SRP19: variants seen among roughly 807,000 people sequenced by gnomAD.
SRP19 encodes the protein signal recognition particle 19.
Under a neutral mutation model 22.4 loss-of-function variants are expected in SRP19, and 11 were observed. That is an observed-to-expected ratio of 0.49 (90% CI 0.31 to 0.81). SRP19 has a LOEUF of 0.81. SRP19 is among the 40% of genes least tolerant of loss of function. The pLI is 0.05. For missense variants in SRP19, 168 were observed against 175.9 expected (o/e 0.96, Z 0.25); for synonymous variants, 61 against 57.6 (o/e 1.06, Z -0.27).
rs753250062 is a variant in SRP19, at chr5:112,891,689, A to C, written c.*82A>C. 1.7e-5 allele frequency: 28 copies of C among 1,613,916 alleles called. No homozygotes were observed. The Admixed American group carries it at 4.7e-4, about 27-fold the overall frequency. ...TTTCCCAAGAAGATGACATTTCCAG[A>C]GAAACCAAGCCACAAAAAGTACAGG... is the stretch of plus-strand genomic sequence containing the variant. On this transcript the variant is annotated 3_prime_UTR_variant, in exon 5 of 5. Transcript: ENST00000391338.
chr5:112,898,074 A>G (rs988773898), downstream of SRP19: 2 of 152,306 alleles, frequency 1.3e-5, no homozygotes, highest in South Asian at 4.1e-4. Context: ...ACAAAAAACA[A>G]AACAAACCCA....
At chr5:112,863,782 A>G (rs1372260724) in intron 2 of SRP19, among the ~76,000 whole-genome samples, 1 of 152,100 alleles carries the variant, frequency 6.6e-6, no homozygotes. Flanking sequence ...CTCCAACCTC[A>G]GCCTTCTGAG....
intron 2 of SRP19, among the ~76,000 whole-genome samples, chr5:112,863,720 G>A (rs1408183921): frequency 1.3e-5 from 2 of 151,964 alleles, no homozygotes; most frequent in Non-Finnish European, 2.9e-5. Flanking sequence ...GCTGGAGTGC[G>A]GCAGTGTAGT....
downstream of SRP19, among the ~76,000 whole-genome samples, chr5:112,870,184 A>G (rs1411084244): frequency 6.6e-6 from 1 of 152,150 alleles, no homozygotes; most frequent in African/African-American, 2.4e-5. Context: ...TAAGGAAGAA[A>G]GTAGTTGAGA....
At chr5:112,877,816 AAAG>A (rs1271701041) in intron 4 of SRP19, 2 of 152,228 alleles carry the variant, frequency 1.3e-5, no homozygotes, top group Admixed American at 6.5e-5. Flanking sequence ...CTGGTTTAAA[AAAG>A]AAGATTGGGA....
Position 112,867,724 on chromosome 5 carries a change from G to C in SRP19, c.*187G>C. 1 of 1,306,732 alleles carries C rather than the reference G, an allele frequency of 7.7e-7. No homozygotes were observed. The highest frequency in any genetic ancestry group is 9.7e-7 in the Non-Finnish European group (1 of 1,027,044). 80.9% of individuals were successfully genotyped at this position (1,306,732 alleles called of 1,614,324 possible). A position where few individuals can be genotyped will look rare whatever the true frequency, so the allele number is the denominator to read the frequency against. ...TTTACATCAGAAGTTTGCATCTCGC[G>C]TATATGCCGTATAAAAGAATTTTTT... On this transcript the variant is annotated 3_prime_UTR_variant, in exon 5 of 5. Transcript: ENST00000505459.
chr5:112,888,520 T>G (rs1768331549), intron 4 of SRP19, among the ~76,000 whole-genome samples: 1 of 152,184 alleles, frequency 6.6e-6, no homozygotes, highest in Admixed American at 6.5e-5. Context: ...ACTCCTGGGT[T>G]CAAACAATCT....
At chr5:112,865,598 T>A (rs1043187811) in intron 4 of SRP19, among the ~76,000 whole-genome samples, 5 of 151,304 alleles carry the variant, frequency 3.3e-5, no homozygotes, top group African/African-American at 1.2e-4. Context: ...AACTGACAGC[T>A]TGTTTGATTT....
chr5:112,894,639 C>CT (rs1458294584), downstream of SRP19: 2 of 152,190 alleles, frequency 1.3e-5, no homozygotes, highest in African/African-American at 4.8e-5. Flanking sequence ...GCAATTGTTA[C>CT]TTACTATATT....
At chr5:112,875,375 T>G (rs1468389425) in intron 4 of SRP19, among the ~76,000 whole-genome samples, 2 of 149,894 alleles carry the variant, frequency 1.3e-5, no homozygotes, top group Non-Finnish European at 3.0e-5. Context: ...GTTTTTGGTT[T>G]TTTTTTTTTT....
At chr5:112,874,795 A>G (rs1371565383) in intron 4 of SRP19, among the ~76,000 whole-genome samples, 1 of 111,622 alleles carries the variant, frequency 9.0e-6, no homozygotes, top group Admixed American at 9.9e-5. Context: ...TTTTTTTTTG[A>G]GACGGAGTTT....
At chr5:112,880,927 G>A (rs1381026803) in intron 4 of SRP19, among the ~76,000 whole-genome samples, 1 of 152,120 alleles carries the variant, frequency 6.6e-6, no homozygotes, top group Non-Finnish European at 1.5e-5. Flanking sequence ...CCAGGAGTTT[G>A]AAACCAGCCT....
chr5:112,875,467 C>T (rs1487234343), intron 4 of SRP19, among the ~76,000 whole-genome samples: 1 of 151,742 alleles, frequency 6.6e-6, no homozygotes, highest in African/African-American at 2.4e-5. Context: ...CTCCCAGGCT[C>T]AAGTCCTCCC....
chr5:112,871,843 C>G (rs575869494), downstream of SRP19, among the ~76,000 whole-genome samples: 125 of 152,264 alleles, frequency 8.2e-4, no homozygotes, highest in African/African-American at 2.8e-3. Flanking sequence ...GTGGTTGGGA[C>G]TAGAGGTACA....
chr5:112,875,478 A>C (rs996470231), intron 4 of SRP19, among the ~76,000 whole-genome samples: 2 of 149,176 alleles, frequency 1.3e-5, no homozygotes, highest in Non-Finnish European at 3.0e-5. Context: ...AAGTCCTCCC[A>C]CCTCAGCCTC....
chr5:112,896,001 T>C (rs1231429149), downstream of SRP19: 1 of 152,446 alleles, frequency 6.6e-6, no homozygotes, highest in Non-Finnish European at 1.5e-5. Context: ...CCGTCTGTGC[T>C]TCTAATGCTG....
chr5:112,892,158 T>C (rs767462791), exon 5 of SRP19: 434 of 1,613,958 alleles, frequency 2.7e-4, no homozygotes, highest in African/African-American at 4.0e-5. Context: ...TGGAGAAGGA[T>C]CGAGCTAATT....
chr5:112,873,063 T>C (rs192413775), downstream of SRP19, among the ~76,000 whole-genome samples: 41 of 150,638 alleles, frequency 2.7e-4, no homozygotes, highest in Middle Eastern at 6.8e-3. Flanking sequence ...TTCTGAAATA[T>C]AACAGTTGTG....
downstream of SRP19, chr5:112,893,089 G>A (rs776358468): frequency 1.8e-5 from 10 of 546,806 alleles, no homozygotes; most frequent in East Asian, 4.4e-4. Flanking sequence ...AACTAGTTTT[G>A]TTCTTAAAAA....
Sources: allele counts gnomAD v4.1 joint callset (sites outside exome capture counted in the v4.1 genomes callset), GRCh38; gene constraint gnomAD v4.1.1; transcripts MANE v1.5; gene names NCBI Gene and HGNC (gene_info 2026-07-23, HGNC 2026-07-21).